STAMBPL1: variants seen among roughly 807,000 people sequenced by gnomAD.
STAMBPL1 encodes the protein AMSH-like protease.
STAMBPL1 carries 44 observed loss-of-function variants against 52.9 expected under a neutral mutation model. That is an observed-to-expected ratio of 0.83 (90% CI 0.65 to 1.07). The LOEUF (loss-of-function observed/expected upper bound fraction) is 1.07. STAMBPL1 is among the 50% of genes least tolerant of loss of function. The pLI is 0.00. For synonymous variants in STAMBPL1, 164 were observed against 177.3 expected, an observed-to-expected ratio of 0.92 and a Z score of 0.60; for missense variants, 511 against 520.8, an observed-to-expected ratio of 0.98 and a Z score of 0.18.
intron 5 of STAMBPL1, 107 bp from the exon 6 acceptor site, chr10:88,912,994 C>T (rs1845265095): frequency 4.3e-6 from 4 of 932,132 alleles, no homozygotes; most frequent in South Asian, 1.6e-5. Flanking sequence ...GGGCATATCA[C>T]AGTATCTAGC....
intron 1 of STAMBPL1, among the ~76,000 whole-genome samples, chr10:88,883,109 G>A (rs1844448467): frequency 6.7e-6 from 1 of 149,070 alleles, no homozygotes; most frequent in Non-Finnish European, 1.5e-5. Context: ...AACATGCGGT[G>A]TTTGGTTTTT....
intron 7 of STAMBPL1, among the ~76,000 whole-genome samples, chr10:88,915,443 A>G (rs1845344455): frequency 6.6e-6 from 1 of 152,148 alleles, no homozygotes; most frequent in Non-Finnish European, 1.5e-5. Context: ...CCTCCAAGAG[A>G]TAGGAAGCCA....
rs966173226 is a variant in STAMBPL1, at chr10:88,893,334, C to T, written c.-53-8322C>T. ...AAAAATGTAGAATTTATATTAAAAA[C>T]CAGCAAATATTTTGAATTGAACTGT... On this transcript the variant is annotated intron_variant, in intron 1 of 10. Coordinates refer to ENST00000371926, the MANE Select transcript of STAMBPL1 (RefSeq NM_020799.4). 2.6e-5 allele frequency among the ~76,000 whole-genome samples: 4 copies of T among 152,132 alleles called. No homozygotes were observed. In the South Asian group the frequency reaches 6.2e-4, roughly 24 times the overall value.
At chr10:88,921,624 A>G (rs1845514558) in intron 9 of STAMBPL1, among the ~76,000 whole-genome samples, 1 of 152,188 alleles carries the variant, frequency 6.6e-6, no homozygotes, top group Non-Finnish European at 1.5e-5. Flanking sequence ...CTTTGAAGTG[A>G]ATAACATTTA....
chr10:88,911,649 GT>G (rs1358485576), intron 5 of STAMBPL1, among the ~76,000 whole-genome samples: 1 of 152,100 alleles, frequency 6.6e-6, no homozygotes, highest in Admixed American at 6.6e-5. Flanking sequence ...TTTTTTGTTT[GT>G]GTTTTATTTG....
Position 88,905,598 on chromosome 10 carries a change from G to T in STAMBPL1, c.186G>T (p.Ala62=). ...FRSGVEMERM[A]SVYLEEGNLE... ...CTGGAGTAGAGATGGAGAGGATGGC[G>T]TCTGTGTATTTGGAAGAAGGAAATT... Residue 62 remains alanine (A), a synonymous_variant, in exon 3 of 11, where the codon GCG becomes GCT. Transcript: ENST00000371926. 6.2e-7 allele frequency: 1 copy of T among 1,614,022 alleles called. No homozygotes were observed. The highest frequency in any genetic ancestry group is 1.1e-5 in the South Asian group (1 of 91,078).
chr10:88,923,331 A>G lies in STAMBPL1; in HGVS notation c.*107A>G. ...GAAATGACTGATATTTTATATTTAT[A>G]CATTTTAGATGACAAAGCTTGATAT... On this transcript the variant is annotated 3_prime_UTR_variant, in exon 11 of 11. Coordinates refer to ENST00000371926, the MANE Select transcript of STAMBPL1 (RefSeq NM_020799.4). The G allele has an allele frequency of 1.4e-6, 2 of 1,432,384 alleles. No individual in the cohort carries two copies. Among genetic ancestry groups the G allele is most frequent in the South Asian group, 1.6e-5 (1 of 63,518 alleles). 88.7% of individuals were successfully genotyped at this position (1,432,384 alleles called of 1,614,324 possible). A position where few individuals can be genotyped will look rare whatever the true frequency, so the allele number is the denominator to read the frequency against.
chr10:88,916,026 C>T (rs964169386), intron 7 of STAMBPL1, among the ~76,000 whole-genome samples: 3 of 152,034 alleles, frequency 2.0e-5, no homozygotes, highest in African/African-American at 7.2e-5. Context: ...TTGAGGATCC[C>T]GTGGCACTTC....
intron 1 of STAMBPL1, among the ~76,000 whole-genome samples, chr10:88,895,131 C>T (rs1005278609): frequency 1.3e-5 from 2 of 152,358 alleles, no homozygotes; most frequent in Admixed American, 6.5e-5. Context: ...CACTGGCTGT[C>T]CTTGGACTTG....
chr10:88,922,346 C>A lies in STAMBPL1; in HGVS notation c.1164C>A (p.Ile388=). 1 of 1,613,368 alleles carries A rather than the reference C, an allele frequency of 6.2e-7. No homozygotes were observed. Among genetic ancestry groups the A allele is most frequent in the South Asian group, 1.1e-5 (1 of 91,054 alleles). ...VCSPKHKDTG[I]FRLTNAGMLE... ...TTGCTCTGAAATTTAGCACTGGCAT[C>A]TTCAGGCTCACCAATGCTGGCATGC... Residue 388 remains isoleucine, a synonymous_variant, in exon 10 of 11, where the codon ATC becomes ATA. Coordinates refer to ENST00000371926, the MANE Select transcript of STAMBPL1 (RefSeq NM_020799.4).
chr10:88,918,680 T>C (rs1845431660), intron 8 of STAMBPL1, among the ~76,000 whole-genome samples: 1 of 152,190 alleles, frequency 6.6e-6, no homozygotes, highest in Non-Finnish European at 1.5e-5. Context: ...CTTAACATGA[T>C]TTCTATAAAA....
Position 88,905,597 on chromosome 10 carries a change from C to A in STAMBPL1, c.185C>A (p.Ala62Glu). The change falls in exon 3 of 11, where the codon GCG (alanine) becomes GAG (glutamate). Residue 62 changes from alanine (A) to glutamate (E), a missense_variant. By Grantham distance (107) the Ala-to-Glu change is moderately radical. This residue lies in a region of STAMBPL1 where 358 missense variants were observed against 343.5 expected (regional missense o/e 1.04). Transcript: ENST00000371926. ...TCTGGAGTAGAGATGGAGAGGATGG[C>A]GTCTGTGTATTTGGAAGAAGGAAAT... ...FRSGVEMERM[A>E]SVYLEEGNLE... 6.2e-7 allele frequency: 1 copy of A among 1,613,980 alleles called. No homozygotes were observed. The highest frequency in any genetic ancestry group is 1.7e-5 in the Admixed American group (1 of 60,008).
intron 1 of STAMBPL1, among the ~76,000 whole-genome samples, chr10:88,883,108 T>C (rs1009478244): frequency 1.3e-5 from 2 of 149,258 alleles, no homozygotes; most frequent in Admixed American, 1.4e-4. Context: ...GAACATGCGG[T>C]GTTTGGTTTT....
chr10:88,908,097 C>T (rs1845119580), intron 3 of STAMBPL1, among the ~76,000 whole-genome samples: 1 of 152,164 alleles, frequency 6.6e-6, no homozygotes, highest in African/African-American at 2.4e-5. Flanking sequence ...TTCACTTTAC[C>T]TGGAAGCGAT....
At chr10:88,901,507 G>A in intron 1 of STAMBPL1, 149 bp from the exon 2 acceptor site, 2 of 413,138 alleles carry the variant, frequency 4.8e-6, no homozygotes, top group Non-Finnish European at 8.6e-6. Flanking sequence ...TTCAGGAAGA[G>A]ATTTCCAACA....
chr10:88,921,462 C>T, intron 9 of STAMBPL1, 67 bp downstream of exon 9: 1 of 1,278,138 alleles, frequency 7.8e-7, no homozygotes, highest in South Asian at 1.2e-5. Context: ...CCTGTGTGTC[C>T]AGACACCAGG....
rs73364856 is a variant in STAMBPL1, at chr10:88,908,898, T to A, written c.324+121T>A. ...GAGAGTTTGAGCGCAAGAAATTCAT[T>A]CCATTAACTATGATGTTTCGATTTT... On this transcript the variant is annotated intron_variant, in intron 4 of 10. Transcript: ENST00000371926. 1,245 of 755,146 alleles carry A rather than the reference T, an allele frequency of 1.6e-3. 16 individuals carry two copies. The African/African-American group carries it at 0.02, about 12-fold the overall frequency. The allele number at this position is 755,146 out of a possible 1,614,324, so 46.8% of individuals were successfully genotyped here.
At position 88,923,388 on chromosome 10, in the gene STAMBPL1, TTTGGG is replaced by T; in HGVS notation, c.*168_*172del. 7.3e-7 allele frequency: 1 copy of T among 1,375,702 alleles called. No individual in the cohort carries two copies. The highest frequency in any genetic ancestry group is 9.3e-7 in the Non-Finnish European group (1 of 1,071,442). The allele number at this position is 1,375,702 out of a possible 1,614,324, so 85.2% of individuals were successfully genotyped here. On this transcript the variant is annotated 3_prime_UTR_variant, in exon 11 of 11. Transcript: ENST00000371926. ...CTGTTGCACATTTTAAAGTTTTCTTTTTGGGTTGCTCTGTGTCAAGAGAGGTTACA... is the reference window on the plus strand; with the variant it reads ...CTGTTGCACATTTTAAAGTTTTCTTTTTGCTCTGTGTCAAGAGAGGTTACA...
At chr10:88,884,138 A>T (rs1368008395) in intron 1 of STAMBPL1, among the ~76,000 whole-genome samples, 8 of 152,240 alleles carry the variant, frequency 5.3e-5, no homozygotes, top group Non-Finnish European at 1.0e-4. Context: ...AATTTATTTT[A>T]AAAAATTGGG....
Sources: gnomAD v4.1 joint callset for allele counts (sites outside exome capture counted in the v4.1 genomes callset) on GRCh38, gnomAD v4.1.1 for gene constraint, gnomAD v4.1.1 regional missense constraint, MANE v1.5 for transcripts, NCBI Gene and HGNC (gene_info 2026-07-23, HGNC 2026-07-21) for gene names.